Variants in ITK observed in about 807,000 individuals in gnomAD.
ITK encodes the protein IL2 inducible T cell kinase.
A neutral mutation model predicts 87.6 loss-of-function variants in ITK; 45 were observed. That is an observed-to-expected ratio of 0.51 (90% confidence interval 0.40 to 0.66). The LOEUF is 0.66. Ranked by LOEUF, ITK falls within the 30% of genes least tolerant of loss-of-function variation. The pLI is 0.00. For missense variants in ITK, 605 were observed against 766.3 expected (o/e 0.79, Z 2.48); for synonymous variants, 303 against 273.6 (o/e 1.11, Z -1.06).
chr5:157,224,790 C>A (rs1754498810), intron 6 of ITK, among the ~76,000 whole-genome samples: 1 of 151,952 alleles, frequency 6.6e-6, no homozygotes, highest in Admixed American at 6.6e-5. Flanking sequence ...CAAAAATAAT[C>A]ATAATAATAA....
intron 6 of ITK, among the ~76,000 whole-genome samples, chr5:157,225,260 A>T (rs1448034709): frequency 6.6e-6 from 1 of 152,092 alleles, no homozygotes; most frequent in East Asian, 1.9e-4. Context: ...CTCCCAAAGT[A>T]GTTGGGATTA....
rs184169268 is a variant in ITK at position 157,239,302 on chromosome 5, G to A, written c.852-760G>A. ...AAAATCTAGAGGAAACAAAACACAA[G>A]CTTCCAAGAGTCCTCTCCCACTGGA... On this transcript the variant is annotated intron_variant, in intron 9 of 16. Transcript: ENST00000422843. 7.9e-5 allele frequency among the ~76,000 whole-genome samples: 12 copies of A among 152,248 alleles called. No individual in the cohort carries two copies. In the East Asian group the frequency reaches 1.5e-3, roughly 20 times the overall value.
chr5:157,241,567 A>T (rs921572194), intron 10 of ITK, 79 bp from the exon 11 acceptor site: 25 of 982,426 alleles, frequency 2.5e-5, no homozygotes, highest in Non-Finnish European at 3.8e-5. Flanking sequence ...GATGATTATT[A>T]TTTTTTTTAG....
At chr5:157,240,334 C>T in intron 10 of ITK, 139 bp downstream of exon 10, 1 of 796,456 alleles carries the variant, frequency 1.3e-6, no homozygotes, top group Admixed American at 1.9e-5. Flanking sequence ...CTATTGTGAA[C>T]AGCACTTGTG....
chr5:157,186,652 G>A (rs546496791), intron 1 of ITK, among the ~76,000 whole-genome samples: 2 of 150,352 alleles, frequency 1.3e-5, no homozygotes, highest in East Asian at 2.0e-4. Context: ...CTCCAGCCTG[G>A]GCAACAAGAG....
At chr5:157,208,673 C>T (rs1482296355) in intron 1 of ITK, among the ~76,000 whole-genome samples, 1 of 152,084 alleles carries the variant, frequency 6.6e-6, no homozygotes, top group African/African-American at 2.4e-5. Flanking sequence ...AACCTGTCAC[C>T]AAGAAGAAGA....
chr5:157,195,176 A>G (rs980720093), intron 1 of ITK: 8 of 152,262 alleles, frequency 5.3e-5, no homozygotes, highest in Admixed American at 1.3e-4. Context: ...GCCTCCTGCC[A>G]CAAACTGAAC....
intron 5 of ITK, 142 bp downstream of exon 5, chr5:157,218,049 C>T: frequency 1.2e-6 from 1 of 803,860 alleles, no homozygotes; most frequent in Non-Finnish European, 2.2e-6. Flanking sequence ...CAGAACTCAA[C>T]ACATTGGGTA....
intron 3 of ITK, 79 bp downstream of exon 3, chr5:157,211,447 G>A (rs1754190975): frequency 1.7e-6 from 2 of 1,197,950 alleles, no homozygotes; most frequent in Middle Eastern, 1.9e-4. Flanking sequence ...AGAATAGAGT[G>A]TGGTGTGAGA....
chr5:157,191,189 G>C (rs1753747011), intron 1 of ITK, among the ~76,000 whole-genome samples: 1 of 151,634 alleles, frequency 6.6e-6, no homozygotes, highest in East Asian at 1.9e-4. Flanking sequence ...ACCCAGGCTG[G>C]AGTGCAGTGG....
At chr5:157,213,368 T>C (rs1054840291) in intron 3 of ITK, among the ~76,000 whole-genome samples, 5 of 152,152 alleles carry the variant, frequency 3.3e-5, no homozygotes, top group African/African-American at 4.8e-5. Flanking sequence ...AGATGAGATT[T>C]GGGTGGGGAC....
chr5:157,195,381 A>G (rs764307480), intron 1 of ITK: 1 of 152,224 alleles, frequency 6.6e-6, no homozygotes, highest in Admixed American at 6.5e-5. Context: ...GCTGGACTTC[A>G]TATCTGTGTA....
Position 157,208,875 on chromosome 5 carries a change from T to G in ITK, c.139-14T>G. 1 of 1,574,350 alleles carries G rather than the reference T, an allele frequency of 6.4e-7. No individual in the cohort carries two copies. The highest frequency in any genetic ancestry group is 1.1e-5 in the South Asian group (1 of 90,206). The stretch of plus-strand genomic sequence containing the variant: ...TCTTTCTTACATGAATGGGATGTTC[T>G]TCTCTCCCCACAGAAGAAGCGCACG... On this transcript the variant is annotated splice_polypyrimidine_tract_variant and intron_variant, in intron 1 of 16. Coordinates refer to ENST00000422843, the MANE Select transcript of ITK (RefSeq NM_005546.4).
chr5:157,248,727 T>C, intron 15 of ITK, 123 bp from the exon 16 acceptor site: 2 of 1,092,316 alleles, frequency 1.8e-6, no homozygotes, highest in Non-Finnish European at 2.8e-6. Context: ...GTAGACTTGA[T>C]GCACTTCTGG....
intron 7 of ITK, among the ~76,000 whole-genome samples, chr5:157,231,207 C>G (rs1339666429): frequency 6.6e-6 from 1 of 152,182 alleles, no homozygotes; most frequent in Non-Finnish European, 1.5e-5. Flanking sequence ...GTTCTGATCC[C>G]TTCTCCATAA....
intron 8 of ITK, among the ~76,000 whole-genome samples, chr5:157,233,442 C>T (rs1754699450): frequency 6.6e-6 from 1 of 152,240 alleles, no homozygotes; most frequent in South Asian, 2.1e-4. Context: ...CTGGTCTCTC[C>T]TTGGCTCTAC....
chr5:157,210,556 T>TA (rs1754169277), intron 2 of ITK, among the ~76,000 whole-genome samples: 1 of 151,892 alleles, frequency 6.6e-6, no homozygotes, highest in Non-Finnish European at 1.5e-5. Context: ...AATTTTTTTT[T>TA]ATTATACTTT....
intron 8 of ITK, among the ~76,000 whole-genome samples, chr5:157,235,083 T>C (rs34051542): frequency 0.016 from 2,491 of 152,314 alleles, 28 homozygotes; most frequent in Non-Finnish European, 0.027. Flanking sequence ...ATCTAGCACC[T>C]TGTAGTTGTT....
intron 1 of ITK, among the ~76,000 whole-genome samples, chr5:157,185,682 CAAA>C (rs397831582): frequency 2.4e-5 from 2 of 84,722 alleles, no homozygotes; most frequent in Admixed American, 1.3e-4. Context: ...TCCGTCTCCA[CAAA>C]AAAAAAAAAA....
Sources: allele counts gnomAD v4.1 joint callset (sites outside exome capture counted in the v4.1 genomes callset), GRCh38; gene constraint gnomAD v4.1.1; transcripts MANE v1.5; gene names NCBI Gene and HGNC (gene_info 2026-07-23, HGNC 2026-07-21).